The following ZFYVE28 variants were observed in gnomAD, a reference collection of about 807,000 sequenced individuals.
ZFYVE28 encodes the protein lateral signaling target protein 2 homolog.
A neutral mutation model predicts 82.1 loss-of-function variants in ZFYVE28; 40 were observed. The ratio of observed to expected loss-of-function variants is 0.49; its 90% CI spans 0.38 to 0.63. The LOEUF is 0.63. ZFYVE28 is among the 30% of genes least tolerant of loss of function. The probability of loss-of-function intolerance (pLI) is 0.00; values close to 1 mark genes in which losing one functional copy is unlikely to be tolerated. For synonymous variants in ZFYVE28, 612 were observed against 546.1 expected, an observed-to-expected ratio of 1.12 and a Z score of -1.68; for missense variants, 1,321 against 1,242.1, an observed-to-expected ratio of 1.06 and a Z score of -0.96.
In ZFYVE28 at chr4:2,320,726, G is replaced by A. The variant is rs955899787; in HGVS notation, c.702-455C>T. Among the ~76,000 whole-genome samples, 2 of 152,138 alleles carry A rather than the reference G, an allele frequency of 1.3e-5. No homozygotes were observed. The highest frequency in any genetic ancestry group is 2.9e-5 in the Non-Finnish European group (2 of 68,024). On this transcript the variant is annotated intron_variant, in intron 6 of 12. Coordinates refer to ENST00000290974, the MANE Select transcript of ZFYVE28 (RefSeq NM_020972.3). This position sits in a 1 kb window ranked among gnomAD's most constrained non-coding sequence, Gnocchi z 5.1. Reference sequence around the variant, plus strand: ...CAGCTGGAGGTGCGAGCTGAGGCCCGCACGGGTTCCCTTCCTGCAGCCTGG... The same window carrying A: ...CAGCTGGAGGTGCGAGCTGAGGCCCACACGGGTTCCCTTCCTGCAGCCTGG...
At chr4:2,352,113 T>C (rs1560262861) in intron 2 of ZFYVE28, among the ~76,000 whole-genome samples, 2 of 152,052 alleles carry the variant, frequency 1.3e-5, no homozygotes, top group Non-Finnish European at 2.9e-5. Flanking sequence ...TAGATCCAAG[T>C]TAGGTTGAAA....
chr4:2,353,108 A>T (rs947705951), intron 2 of ZFYVE28, among the ~76,000 whole-genome samples: 2 of 152,220 alleles, frequency 1.3e-5, no homozygotes, highest in African/African-American at 4.8e-5. Context: ...GAACAGCCCA[A>T]AAAAGAGCCC....
intron 1 of ZFYVE28, among the ~76,000 whole-genome samples, chr4:2,357,880 C>T (rs955997087): frequency 6.6e-6 from 1 of 152,206 alleles, no homozygotes; most frequent in African/African-American, 2.4e-5. Context: ...AAAAACCTCA[C>T]AACACTAGTG....
chr4:2,338,920 G>T (rs112784021), intron 4 of ZFYVE28, among the ~76,000 whole-genome samples: 3 of 152,168 alleles, frequency 2.0e-5, no homozygotes, highest in South Asian at 2.1e-4. Context: ...TGCCTCCCGG[G>T]TTCAAGCGGT....
At chr4:2,312,960 G>A (rs1296372158) in intron 7 of ZFYVE28, among the ~76,000 whole-genome samples, 4 of 151,848 alleles carry the variant, frequency 2.6e-5, no homozygotes, top group Admixed American at 6.6e-5. Context: ...CACGAGAATC[G>A]CTTGAACTCA....
intron 2 of ZFYVE28, among the ~76,000 whole-genome samples, chr4:2,344,149 G>A (rs780187737): frequency 6.6e-6 from 1 of 152,244 alleles, no homozygotes; most frequent in Non-Finnish European, 1.5e-5. Context: ...GAACTCGGAT[G>A]GAACCAAGGC....
chr4:2,393,706 C>T (rs1006902959), intron 1 of ZFYVE28, among the ~76,000 whole-genome samples: 2 of 152,242 alleles, frequency 1.3e-5, no homozygotes, highest in African/African-American at 4.8e-5. Context: ...AGACTCCCGC[C>T]GGCCCCTTGC....
At chr4:2,370,764 G>A (rs553150468) in intron 1 of ZFYVE28, among the ~76,000 whole-genome samples, 1 of 152,318 alleles carries the variant, frequency 6.6e-6, no homozygotes, top group African/African-American at 2.4e-5. Flanking sequence ...GGGCCAGTCT[G>A]GGGCGCCAGA....
chr4:2,307,920 T>C (rs1716834794), intron 7 of ZFYVE28, among the ~76,000 whole-genome samples: 3 of 152,364 alleles, frequency 2.0e-5, no homozygotes, highest in East Asian at 1.9e-4. Flanking sequence ...TGGTCTTCTA[T>C]TGACTCAGCC....
intron 8 of ZFYVE28, among the ~76,000 whole-genome samples, chr4:2,290,590 G>A (rs371382155): frequency 1.3e-5 from 2 of 152,190 alleles, no homozygotes; most frequent in South Asian, 2.1e-4. Context: ...AGCAGGACAC[G>A]ACCACACCTG....
chr4:2,270,902 A>G (rs749007461), intron 12 of ZFYVE28, 46 bp from the exon 13 acceptor site: 1 of 1,595,032 alleles, frequency 6.3e-7, no homozygotes, highest in Non-Finnish European at 8.5e-7. Context: ...GACCAGCCCC[A>G]CCCACCCTGG....
chr4:2,403,894 G>A (rs931488230), intron 1 of ZFYVE28, among the ~76,000 whole-genome samples: 4 of 150,440 alleles, frequency 2.7e-5, no homozygotes, highest in Admixed American at 6.6e-5. Context: ...GCTTGAAACC[G>A]AGAGGCAGAG....
At position 2,325,663 on chromosome 4, in the gene ZFYVE28, G is replaced by A. The variant is rs555289039; in HGVS notation, c.702-5392C>T. Among the ~76,000 whole-genome samples, 13 of 144,736 alleles carry A rather than the reference G, an allele frequency of 9.0e-5. No individual in the cohort carries two copies. The South Asian group carries it at 1.3e-3, about 14-fold the overall frequency. 95.0% of individuals were successfully genotyped at this position (144,736 alleles called of 152,430 possible). On this transcript the variant is annotated intron_variant, in intron 6 of 12. Transcript: ENST00000290974. The stretch of plus-strand genomic sequence containing the variant: ...ATTGCCCAGACTGTAATTCAATGGC[G>A]TGATCATAGCTTACTGCAAACTCGA...
intron 2 of ZFYVE28, chr4:2,343,318 T>C (rs2108867350): frequency 6.6e-6 from 1 of 152,306 alleles, no homozygotes; most frequent in South Asian, 2.1e-4. Flanking sequence ...CCTTGGCAAT[T>C]TTTAATCTCG....
chr4:2,397,135 C>T (rs1730561557), intron 1 of ZFYVE28, among the ~76,000 whole-genome samples: 1 of 152,134 alleles, frequency 6.6e-6, no homozygotes, highest in African/African-American at 2.4e-5. Context: ...AACACAAAAT[C>T]GACCTTTTAA....
intron 7 of ZFYVE28, among the ~76,000 whole-genome samples, chr4:2,318,324 G>A (rs1560195465): frequency 6.6e-6 from 1 of 152,154 alleles, no homozygotes; most frequent in Admixed American, 6.5e-5. Context: ...TTGGGAGGCC[G>A]AGGCGGGCGG....
intron 1 of ZFYVE28, among the ~76,000 whole-genome samples, chr4:2,377,749 C>T (rs957213845): frequency 1.1e-4 from 16 of 152,228 alleles, no homozygotes; most frequent in Non-Finnish European, 2.2e-4. Context: ...TGACATTCTG[C>T]AGCTTTACCA....
At chr4:2,381,923 G>A (rs1728767420) in intron 1 of ZFYVE28, among the ~76,000 whole-genome samples, 2 of 152,250 alleles carry the variant, frequency 1.3e-5, no homozygotes, top group South Asian at 4.1e-4. Context: ...GGGTCCCTGT[G>A]CTGTGTGCAG....
intron 1 of ZFYVE28, among the ~76,000 whole-genome samples, chr4:2,375,785 T>C (rs950534729): frequency 2.4e-4 from 36 of 152,242 alleles, no homozygotes; most frequent in East Asian, 1.2e-3. Flanking sequence ...TGTGGGGCGA[T>C]TGGAGCCCCA....
Sources: gnomAD v4.1 joint callset for allele counts (sites outside exome capture counted in the v4.1 genomes callset) on GRCh38, gnomAD v4.1.1 for gene constraint, Gnocchi (gnomAD v3.1) non-coding constraint, MANE v1.5 for transcripts, NCBI Gene and HGNC (gene_info 2026-07-23, HGNC 2026-07-21) for gene names.